DNASE2B: variants seen among roughly 807,000 people sequenced by gnomAD.
The protein encoded by DNASE2B is deoxyribonuclease 2 beta, also known as deoxyribonuclease-2-beta.
DNASE2B carries 43 observed loss-of-function variants against 46.0 expected under a neutral mutation model. The observed-to-expected ratio is 0.94, with a 90% CI of 0.73 to 1.21. The LOEUF (loss-of-function observed/expected upper bound fraction) is 1.21, where lower values mean the gene tolerates loss of function less well. DNASE2B is among the 50% of genes most tolerant of loss of function. The pLI, the probability that DNASE2B is intolerant of heterozygous loss-of-function variation, is 0.00. For missense variants in DNASE2B, 395 were observed against 414.4 expected, an observed-to-expected ratio of 0.95 and a Z score of 0.41; for synonymous variants, 156 against 152.5, an observed-to-expected ratio of 1.02 and a Z score of -0.17.
chr1:84,406,814 A>AT (rs1323708039), intron 2 of DNASE2B, among the ~76,000 whole-genome samples: 1 of 152,202 alleles, frequency 6.6e-6, no homozygotes, highest in Non-Finnish European at 1.5e-5. Flanking sequence ...GAAATGCAAG[A>AT]TTAGACCAAC....
At chr1:84,411,428 GTGTGTGTGTGTGTGTGTGTGT>G (rs1680591035) in intron 4 of DNASE2B, among the ~76,000 whole-genome samples, 115 of 4,768 alleles carry the variant, frequency 0.024, no homozygotes, top group African/African-American at 0.029. Flanking sequence ...AACCTAGGGT[GTGTGTGTGTGTGTGTGTGTGT>G]GTGTGTGTGT....
intron 4 of DNASE2B, among the ~76,000 whole-genome samples, chr1:84,411,465 T>A (rs1680594554): frequency 1.9e-5 from 1 of 53,192 alleles, no homozygotes; most frequent in Admixed American, 1.9e-4. Flanking sequence ...TGTGTGTGTG[T>A]GTGTGTGTGT....
intron 2 of DNASE2B, among the ~76,000 whole-genome samples, chr1:84,404,547 A>C (rs1346731884): frequency 1.3e-5 from 2 of 152,186 alleles, no homozygotes; most frequent in East Asian, 3.9e-4. Flanking sequence ...ATGAGTCTTA[A>C]AGGTTCTTAT....
chr1:84,407,920 C>T (rs1680517642), intron 2 of DNASE2B, among the ~76,000 whole-genome samples: 1 of 151,966 alleles, frequency 6.6e-6, no homozygotes, highest in South Asian at 2.1e-4. Flanking sequence ...GAAGGGAGAG[C>T]AGATAATGAG....
intron 2 of DNASE2B, 23 bp downstream of exon 2, chr1:84,402,101 C>T (rs376683191): frequency 4.2e-4 from 665 of 1,569,596 alleles, no homozygotes; most frequent in Non-Finnish European, 5.3e-4. Flanking sequence ...GTTAATTGTT[C>T]ACTTGAATAA....
At position 84,401,961 on chromosome 1, in the gene DNASE2B, G is replaced by A. The variant is rs201988505; in HGVS notation, c.186G>A (p.Glu62=). ...QNKESGETGL[E]YLYLDSTTRS... is the part of the protein sequence containing the mutation. ...AGGAAAGTGGAGAGACTGGGTTAGA[G>A]TACCTGTACCTAGACTCTACAACTA... is the stretch of plus-strand genomic sequence containing the variant. The change falls in exon 2 of 6, where the codon GAG becomes GAA. Residue 62 remains glutamate (E), a synonymous_variant. Coordinates refer to ENST00000370665, the MANE Select transcript of DNASE2B (RefSeq NM_021233.3). 1.7e-5 allele frequency: 27 copies of A among 1,595,698 alleles called. No homozygotes were observed. The highest frequency in any genetic ancestry group is 2.3e-5 in the Non-Finnish European group (27 of 1,173,732).
At chr1:84,400,411 T>G (rs532952183) in intron 1 of DNASE2B, among the ~76,000 whole-genome samples, 48 of 152,046 alleles carry the variant, frequency 3.2e-4, no homozygotes, top group African/African-American at 9.9e-4. Flanking sequence ...AAGAAAGAAA[T>G]AATTTTAGGC....
chr1:84,412,275 A>G lies in DNASE2B; in HGVS notation c.548-74A>G, dbSNP rs142013228. The stretch of plus-strand genomic sequence containing the variant: ...GTTGTTTTGTTTTTAAATCCACAAA[A>G]AGATCTATAATAACAGCAGGTATTT... On this transcript the variant is annotated intron_variant, in intron 4 of 5. Transcript: ENST00000370665. 3 of 1,264,498 alleles carry G rather than the reference A, an allele frequency of 2.4e-6. No homozygotes were observed. In the East Asian group the frequency reaches 7.8e-5, roughly 33 times the overall value. The allele number at this position is 1,264,498 out of a possible 1,614,324, so 78.3% of individuals were successfully genotyped here.
intron 3 of DNASE2B, 80 bp from the exon 4 acceptor site, chr1:84,410,758 T>A: frequency 7.1e-7 from 1 of 1,406,592 alleles, no homozygotes. Context: ...ATAAATGGGC[T>A]TAAATGTTGC....
At chr1:84,408,407 C>T (rs376938057) in intron 2 of DNASE2B, 30 bp from the exon 3 acceptor site, 61 of 1,577,568 alleles carry the variant, frequency 3.9e-5, no homozygotes, top group East Asian at 6.9e-5. Context: ...GGAAGATTTA[C>T]GCCATTATAA....
In DNASE2B at chr1:84,413,110, T is replaced by A. The variant is rs549565302; in HGVS notation, c.745+564T>A. Among the ~76,000 whole-genome samples the A allele has an allele frequency of 4.6e-5, 7 of 152,004 alleles. No individual in the cohort carries two copies. The South Asian group carries it at 1.5e-3, about 32-fold the overall frequency. ...ACCTGATCTGTTCTCTGTGTTCCAT[T>A]TCAGTTCTCCCACTCCCCAGGCTAC... On this transcript the variant is annotated intron_variant, in intron 5 of 5. Coordinates refer to ENST00000370665, the MANE Select transcript of DNASE2B (RefSeq NM_021233.3).
chr1:84,400,175 C>G (rs1434199685), intron 1 of DNASE2B, among the ~76,000 whole-genome samples: 1 of 152,116 alleles, frequency 6.6e-6, no homozygotes, highest in African/African-American at 2.4e-5. Context: ...TCAAGACCAG[C>G]CTGACCAACA....
chr1:84,403,167 CAG>C (rs1397494959), intron 2 of DNASE2B, among the ~76,000 whole-genome samples: 2 of 152,194 alleles, frequency 1.3e-5, no homozygotes, highest in Non-Finnish European at 2.9e-5. Context: ...TTTGAATAAA[CAG>C]ACGACAGCTG....
chr1:84,412,918 C>T (rs1317126706), intron 5 of DNASE2B, among the ~76,000 whole-genome samples: 3 of 151,832 alleles, frequency 2.0e-5, no homozygotes, highest in Non-Finnish European at 4.4e-5. Flanking sequence ...ATAAATAGAA[C>T]AATGTTCACT....
intron 1 of DNASE2B, among the ~76,000 whole-genome samples, chr1:84,399,993 T>C (rs1405304646): frequency 6.6e-6 from 1 of 151,958 alleles, no homozygotes; most frequent in East Asian, 1.9e-4. Flanking sequence ...GAAGCGGTCA[T>C]GGAAATAGAA....
At position 84,408,453 on chromosome 1, in the gene DNASE2B, A is replaced by G. The variant is rs764865685; in HGVS notation, c.320A>G (p.Tyr107Cys). Reference sequence around the variant, plus strand: ...TTCCTGCAGAGTAACAACACAGCCTATCTAATATACAATGATGGAGTCCCT... The same window carrying G: ...TTCCTGCAGAGTAACAACACAGCCTGTCTAATATACAATGATGGAGTCCCT... ...AYASKSNNTA[Y>C]LIYNDGVPKP... The change falls in exon 3 of 6, where the codon TAT becomes TGT. Residue 107 changes from tyrosine (Y) to cysteine (C), a missense_variant. Transcript: ENST00000370665. The G allele has an allele frequency of 6.9e-5, 111 of 1,611,010 alleles. No individual in the cohort carries two copies. The highest frequency in any genetic ancestry group is 1.6e-4 in the Middle Eastern group (1 of 6,068).
rs1367397811 is a variant in DNASE2B at position 84,408,520 on chromosome 1, T to G, written c.385+2T>G. The G allele has an allele frequency of 6.2e-7, 1 of 1,604,042 alleles. No homozygotes were observed. The highest frequency in any genetic ancestry group is 2.2e-5 in the East Asian group (1 of 44,586). On this transcript the variant is annotated splice_donor_variant, in intron 3 of 5. Transcript: ENST00000370665. LOFTEE classifies it high-confidence loss of function. ...GCAGAAAGTATGGACACACCAAAGG[T>G]ATGACAAAGATTCTTGGTTTCTCTT...
intron 2 of DNASE2B, among the ~76,000 whole-genome samples, chr1:84,404,954 T>A (rs1275726715): frequency 1.3e-5 from 2 of 152,206 alleles, no homozygotes; most frequent in Non-Finnish European, 2.9e-5. Context: ...TTCTTACCAA[T>A]AAGTGTCCTT....
At chr1:84,404,777 C>T (rs1680472796) in intron 2 of DNASE2B, among the ~76,000 whole-genome samples, 1 of 152,168 alleles carries the variant, frequency 6.6e-6, no homozygotes, top group Non-Finnish European at 1.5e-5. Flanking sequence ...TTGCCCAGGC[C>T]TTCTTATTGT....
Sources: allele counts gnomAD v4.1 joint callset (sites outside exome capture counted in the v4.1 genomes callset), GRCh38; gene constraint gnomAD v4.1.1; transcripts MANE v1.5; gene names NCBI Gene and HGNC (gene_info 2026-07-23, HGNC 2026-07-21).